The following KCNMB2 variants were observed in gnomAD, a reference collection of about 807,000 sequenced individuals.
KCNMB2 encodes potassium calcium-activated channel subfamily M regulatory beta subunit 2.
A neutral mutation model predicts 24.5 loss-of-function variants in KCNMB2; 9 were observed. The ratio of observed to expected loss-of-function variants is 0.37; its 90% CI spans 0.22 to 0.64. KCNMB2 has a LOEUF of 0.64. Among genes scored for constraint, KCNMB2 ranks in the 30% least tolerant of loss-of-function variants. KCNMB2 has a pLI of 0.63. For missense variants in KCNMB2, 226 were observed against 284.3 expected (o/e 0.79, Z 1.47); for synonymous variants, 109 against 104.4 (o/e 1.04, Z -0.27).
Position 178,819,284 on chromosome 3 carries a change from C to T in KCNMB2, c.57-6304C>T, listed in dbSNP as rs115953786. On this transcript the variant is annotated intron_variant, in intron 2 of 4. Transcript: ENST00000452583. ...TGAATTTATCGAATTTAGCTATATA[C>T]CACAAATTTTGTATGATCACTGTAA... Among the ~76,000 whole-genome samples, 333 of 152,236 alleles carry T rather than the reference C, an allele frequency of 2.2e-3. 4 individuals are homozygous for T. The highest frequency in any genetic ancestry group is 7.7e-3 in the African/African-American group (319 of 41,534).
At chr3:178,703,751 T>C (rs1019145026) in intron 1 of KCNMB2, among the ~76,000 whole-genome samples, 1 of 152,228 alleles carries the variant, frequency 6.6e-6, no homozygotes, top group African/African-American at 2.4e-5. Context: ...TCTACTTACA[T>C]GGGTGTGTTT....
At chr3:178,571,455 T>G (rs1247752176) in intron 1 of KCNMB2, among the ~76,000 whole-genome samples, 2 of 40,312 alleles carry the variant, frequency 5.0e-5, no homozygotes, top group African/African-American at 4.5e-4. Context: ...TGGATATATA[T>G]ATATATATAT....
chr3:178,832,867 T>C lies in KCNMB2; in HGVS notation c.423+4494T>C, dbSNP rs941945297. On this transcript the variant is annotated intron_variant, in intron 4 of 4. Transcript: ENST00000452583. ...GTAAAATTATAGTCATTATAAAGTC[T>C]ATTTTGATATCTTCACTATTTGAAG... 7.4e-5 allele frequency among the ~76,000 whole-genome samples: 6 copies of C among 81,360 alleles called. 3 individuals are homozygous for C. Among genetic ancestry groups the C allele is most frequent in the African/African-American group, 2.2e-4 (2 of 8,956 alleles). 53.4% of individuals were successfully genotyped at this position (81,360 alleles called of 152,430 possible).
chr3:178,579,427 A>G (rs533338789), intron 1 of KCNMB2, among the ~76,000 whole-genome samples: 3 of 152,312 alleles, frequency 2.0e-5, no homozygotes, highest in Non-Finnish European at 2.9e-5. Context: ...GGAAAGATCT[A>G]AAATCAAGAC....
rs573398258 is a variant in KCNMB2, at chr3:178,748,109, T to C, written c.-67-59234T>C. Among the ~76,000 whole-genome samples the C allele has an allele frequency of 2.7e-3, 410 of 149,414 alleles. 5 individuals are homozygous for C. Among genetic ancestry groups the C allele is most frequent in the African/African-American group, 9.7e-3 (395 of 40,782 alleles). On this transcript the variant is annotated intron_variant, in intron 1 of 4. Transcript: ENST00000452583. ...TTTTTACTCTGAGGCCAGTGAACGT[T>C]CCATATTTTCTCTGGATATTTCTCT...
At chr3:178,614,003 T>C (rs1718589763) in intron 1 of KCNMB2, among the ~76,000 whole-genome samples, 1 of 151,382 alleles carries the variant, frequency 6.6e-6, no homozygotes. Flanking sequence ...TGTTTTTCTT[T>C]TTTCTCCTCT....
intron 1 of KCNMB2, among the ~76,000 whole-genome samples, chr3:178,552,120 AT>A (rs1715973837): frequency 6.6e-6 from 1 of 152,210 alleles, no homozygotes; most frequent in African/African-American, 2.4e-5. Flanking sequence ...CTATCTTAGA[AT>A]TCCCTTTGTA....
chr3:178,652,108 AG>A (rs36124777), intron 1 of KCNMB2, among the ~76,000 whole-genome samples: 52,601 of 151,944 alleles, frequency 0.35, 9,567 homozygotes, highest in African/African-American at 0.46. Context: ...GCACAGCAAA[AG>A]AAACTGTCGT....
rs142257624 is a variant in KCNMB2, at chr3:178,712,630, A to G, written c.-67-94713A>G. The stretch of plus-strand genomic sequence containing the variant: ...TTATTTTCTTAGGAACCCTACAAGC[A>G]TTTGCTGCTTTTATTATCTTCACTT... On this transcript the variant is annotated intron_variant, in intron 1 of 4. Coordinates refer to ENST00000452583, the MANE Select transcript of KCNMB2 (RefSeq NM_181361.3). 8.8e-4 allele frequency among the ~76,000 whole-genome samples: 134 copies of G among 152,244 alleles called. 1 individual carries two copies. The highest frequency in any genetic ancestry group is 1.3e-3 in the Non-Finnish European group (91 of 68,004).
intron 1 of KCNMB2, among the ~76,000 whole-genome samples, chr3:178,567,077 C>T (rs1716553277): frequency 6.6e-6 from 1 of 152,176 alleles, no homozygotes; most frequent in African/African-American, 2.4e-5. Flanking sequence ...CGTATCGTGA[C>T]TCTATTGAAG....
chr3:178,577,664 A>T (rs1304582118), intron 1 of KCNMB2, among the ~76,000 whole-genome samples: 1 of 152,232 alleles, frequency 6.6e-6, no homozygotes, highest in Non-Finnish European at 1.5e-5. Flanking sequence ...ACCAGTTTAG[A>T]GAAGAACACA....
intron 1 of KCNMB2, among the ~76,000 whole-genome samples, chr3:178,563,233 A>C (rs1716387505): frequency 6.6e-6 from 1 of 152,222 alleles, no homozygotes; most frequent in African/African-American, 2.4e-5. Flanking sequence ...AACCAGAAAA[A>C]AACTGGGCAG....
At chr3:178,702,882 C>T (rs796335842) in intron 1 of KCNMB2, among the ~76,000 whole-genome samples, 10 of 152,264 alleles carry the variant, frequency 6.6e-5, no homozygotes, top group African/African-American at 2.4e-4. Context: ...TTTACTTCTG[C>T]TTAAGTAGCT....
chr3:178,576,307 G>A (rs1018471538), intron 1 of KCNMB2, among the ~76,000 whole-genome samples: 7 of 152,028 alleles, frequency 4.6e-5, no homozygotes, highest in Admixed American at 1.3e-4. Flanking sequence ...CTAGGCACTC[G>A]GCCCAGATAC....
chr3:178,555,584 T>C (rs1716096027), intron 1 of KCNMB2, among the ~76,000 whole-genome samples: 1 of 152,236 alleles, frequency 6.6e-6, no homozygotes, highest in African/African-American at 2.4e-5. Context: ...TGGGCTATGT[T>C]TACAAAGCCC....
intron 1 of KCNMB2, among the ~76,000 whole-genome samples, chr3:178,613,977 G>T (rs1305621127): frequency 2.0e-5 from 3 of 151,280 alleles, no homozygotes; most frequent in African/African-American, 7.3e-5. Flanking sequence ...GATCCTGTAG[G>T]TGTGCTTCAT....
At chr3:178,623,153 G>T (rs1159382493) in intron 1 of KCNMB2, among the ~76,000 whole-genome samples, 3 of 152,226 alleles carry the variant, frequency 2.0e-5, no homozygotes, top group African/African-American at 7.2e-5. Context: ...GTGTTATTTA[G>T]TGTGGGGCTA....
chr3:178,819,199 A>T (rs1714526593), intron 2 of KCNMB2, among the ~76,000 whole-genome samples: 1 of 152,230 alleles, frequency 6.6e-6, no homozygotes, highest in Non-Finnish European at 1.5e-5. Context: ...CTGAAAAAGT[A>T]ATGGCCAATG....
At chr3:178,620,956 T>C (rs1718900659) in intron 1 of KCNMB2, among the ~76,000 whole-genome samples, 1 of 152,306 alleles carries the variant, frequency 6.6e-6, no homozygotes, top group East Asian at 1.9e-4. Context: ...TGAAGCCAAA[T>C]TGAAATTATC....
Sources: allele counts gnomAD v4.1 joint callset (sites outside exome capture counted in the v4.1 genomes callset), GRCh38; gene constraint gnomAD v4.1.1; transcripts MANE v1.5; gene names NCBI Gene and HGNC (gene_info 2026-07-23, HGNC 2026-07-21).